SCAP: variants seen among roughly 807,000 people sequenced by gnomAD.
SCAP encodes sterol regulatory element-binding protein cleavage-activating protein.
Under a neutral mutation model 123.6 loss-of-function variants are expected in SCAP, and 65 were observed. That is an observed-to-expected ratio of 0.53 (90% CI 0.43 to 0.65). The LOEUF is 0.65. Ranked by LOEUF, SCAP falls within the 30% of genes least tolerant of loss-of-function variation. SCAP has a pLI of 0.00. For missense variants in SCAP, 1,398 were observed against 1,712.5 expected (o/e 0.82, Z 3.24); for synonymous variants, 740 against 726.3 (o/e 1.02, Z -0.30).
intron 1 of SCAP, among the ~76,000 whole-genome samples, chr3:47,457,991 A>C (rs1349888015): frequency 6.6e-6 from 1 of 152,092 alleles, no homozygotes; most frequent in Admixed American, 6.6e-5. Context: ...GATCAAGTTA[A>C]TAGTATTGAA....
In SCAP at chr3:47,446,774, C is replaced by CA. The variant is rs1365149756; in HGVS notation, c.-98-3684dup. Among the ~76,000 whole-genome samples the CA allele has an allele frequency of 9.1e-3, 1,259 of 137,936 alleles. 3 individuals are homozygous for CA. Among genetic ancestry groups the CA allele is most frequent in the Non-Finnish European group, 0.012 (739 of 63,124 alleles). 90.5% of individuals were successfully genotyped at this position (137,936 alleles called of 152,430 possible). A position where few individuals can be genotyped will look rare whatever the true frequency, so the allele number is the denominator to read the frequency against. On this transcript the variant is annotated intron_variant, in intron 1 of 22. Coordinates refer to ENST00000265565, the MANE Select transcript of SCAP (RefSeq NM_012235.4). ...TGGACACTGTGAGACCGTGTCTTTA[C>CA]AAAAAAAAAAACATTAACAATTAGC...
chr3:47,432,052 C>T (rs1196861157), intron 3 of SCAP, among the ~76,000 whole-genome samples: 1 of 152,084 alleles, frequency 6.6e-6, no homozygotes, highest in Non-Finnish European at 1.5e-5. Context: ...TGGTGGCTCA[C>T]GCCTGTAATC....
chr3:47,472,376 G>A (rs1051365722), intron 1 of SCAP, among the ~76,000 whole-genome samples: 31 of 150,522 alleles, frequency 2.1e-4, no homozygotes, highest in Non-Finnish European at 3.7e-4. Context: ...GGAGCTTGCA[G>A]TGAGCCGAGA....
At chr3:47,469,600 C>T in intron 1 of SCAP, among the ~76,000 whole-genome samples, 1 of 152,162 alleles carries the variant, frequency 6.6e-6, no homozygotes, top group East Asian at 1.9e-4. Flanking sequence ...CTCAAGTGAT[C>T]CACCCACCTT....
intron 4 of SCAP, 92 bp downstream of exon 4, chr3:47,428,421 C>T: frequency 7.6e-7 from 1 of 1,313,798 alleles, no homozygotes; most frequent in Non-Finnish European, 1.1e-6. Flanking sequence ...CTCTGCAGAG[C>T]TGACTGGCTC....
At chr3:47,472,855 C>A (rs1179122164) in intron 1 of SCAP, among the ~76,000 whole-genome samples, 1 of 151,810 alleles carries the variant, frequency 6.6e-6, no homozygotes, top group Non-Finnish European at 1.5e-5. Context: ...CCGAGGCGGG[C>A]GGATCACCTG....
intron 1 of SCAP, among the ~76,000 whole-genome samples, chr3:47,474,878 AC>A (rs1708207396): frequency 6.6e-6 from 1 of 152,144 alleles, no homozygotes; most frequent in African/African-American, 2.4e-5. Flanking sequence ...GACACCCTCG[AC>A]CCTGACTCCC....
Position 47,426,030 on chromosome 3 carries a change from T to C in SCAP, c.877A>G (p.Ile293Val), listed in dbSNP as rs1706112898. The part of the protein sequence containing the change: ...AELIPLVTTY[I>V]ILFAYIYFST... ...AAGTAGATGTAGGCAAACAAGATGATGTAGGTGGTCACAAGGGGGATGAGC... is the reference window on the plus strand; with the variant it reads ...AAGTAGATGTAGGCAAACAAGATGACGTAGGTGGTCACAAGGGGGATGAGC... The change falls in exon 7 of 23, where the codon ATC becomes GTC. Residue 293 changes from isoleucine to valine, a missense_variant. By Grantham distance (29) the Ile-to-Val change is conservative. This residue lies in a region of SCAP where 319 missense variants were observed against 432.4 expected (regional missense o/e 0.74). Coordinates refer to ENST00000265565, the MANE Select transcript of SCAP (RefSeq NM_012235.4). 2.5e-6 allele frequency: 4 copies of C among 1,614,002 alleles called. No individual in the cohort carries two copies. Among genetic ancestry groups the C allele is most frequent in the African/African-American group, 1.3e-5 (1 of 74,924 alleles).
chr3:47,447,873 C>A (rs573198025), intron 1 of SCAP, among the ~76,000 whole-genome samples: 7 of 151,380 alleles, frequency 4.6e-5, no homozygotes, highest in Admixed American at 4.6e-4. Context: ...GGCATGGTGG[C>A]GTGTGCCTGT....
intron 1 of SCAP, among the ~76,000 whole-genome samples, chr3:47,470,788 G>C (rs932953820): frequency 1.1e-4 from 17 of 152,040 alleles, no homozygotes; most frequent in African/African-American, 3.6e-4. Flanking sequence ...TTGAACCCAG[G>C]GGGGCGAAGG....
At chr3:47,472,290 C>T (rs1485572753) in intron 1 of SCAP, among the ~76,000 whole-genome samples, 2 of 150,618 alleles carry the variant, frequency 1.3e-5, no homozygotes, top group African/African-American at 4.9e-5. Context: ...AAAAATTAGC[C>T]GGGCGCGGTG....
chr3:47,465,361 G>C lies in SCAP; in HGVS notation c.-99+10438C>G, dbSNP rs1443409384. ...AATTTTTGTATTGTTAGTAGAGACAGGGTTTCACCATGTTGGCCAGGCTGG... is the reference window on the plus strand; with the variant it reads ...AATTTTTGTATTGTTAGTAGAGACACGGTTTCACCATGTTGGCCAGGCTGG... On this transcript the variant is annotated intron_variant, in intron 1 of 22. Coordinates refer to ENST00000265565, the MANE Select transcript of SCAP (RefSeq NM_012235.4). Among the ~76,000 whole-genome samples, 5 of 152,074 alleles carry C rather than the reference G, an allele frequency of 3.3e-5. No individual in the cohort carries two copies. The South Asian group carries it at 8.3e-4, about 25-fold the overall frequency.
chr3:47,442,773 A>C (rs999643249), intron 2 of SCAP, 99 bp downstream of exon 2: 3 of 1,074,260 alleles, frequency 2.8e-6, no homozygotes, highest in Non-Finnish European at 4.2e-6. Context: ...CATTGTGTAA[A>C]AAGCATACAG....
intron 1 of SCAP, among the ~76,000 whole-genome samples, chr3:47,443,739 T>G (rs1706915428): frequency 6.6e-6 from 1 of 152,214 alleles, no homozygotes; most frequent in Non-Finnish European, 1.5e-5. Context: ...CTCCTGTTCC[T>G]GCCTGCCCAG....
intron 3 of SCAP, among the ~76,000 whole-genome samples, chr3:47,434,205 T>C (rs1179667843): frequency 6.6e-6 from 1 of 152,206 alleles, no homozygotes. Flanking sequence ...GCTATGACTG[T>C]CAGAGAGAAG....
At chr3:47,437,907 T>C (rs1294386875) in intron 2 of SCAP, among the ~76,000 whole-genome samples, 1 of 152,216 alleles carries the variant, frequency 6.6e-6, no homozygotes, top group Non-Finnish European at 1.5e-5. Flanking sequence ...TATATGCACA[T>C]TGAGCTTAGT....
chr3:47,435,738 T>C lies in SCAP; in HGVS notation c.123-601A>G, dbSNP rs111328787. On this transcript the variant is annotated intron_variant, in intron 2 of 22. Transcript: ENST00000265565. The stretch of plus-strand genomic sequence containing the variant: ...ACTGAAAGGAAACACCAACATGTTA[T>C]AATATATAACATTATATTAATATTT... Among the ~76,000 whole-genome samples the C allele has an allele frequency of 5.0e-4, 76 of 152,238 alleles. No individual in the cohort carries two copies. In the South Asian group the frequency reaches 0.013, roughly 25 times the overall value.
chr3:47,459,741 T>C (rs561579339), intron 1 of SCAP, among the ~76,000 whole-genome samples: 1 of 152,260 alleles, frequency 6.6e-6, no homozygotes, highest in East Asian at 1.9e-4. Context: ...CTGATAAGGG[T>C]CTATGTTCAG....
Position 47,419,395 on chromosome 3 carries a change from A to G in SCAP, c.1873T>C (p.Trp625Arg). 6.2e-7 allele frequency: 1 copy of G among 1,610,612 alleles called. No individual in the cohort carries two copies. Among genetic ancestry groups the G allele is most frequent in the Non-Finnish European group, 8.5e-7 (1 of 1,178,858 alleles). ...CAGTGGCGGAAGGACAATTTCCTCC[A>G]AAGTTCCTCATCCTCAGGCCCCCAG... The part of the protein sequence containing the change: ...VTWGPEDEEL[W>R]RKLSFRHWPT... The change falls in exon 13 of 23, where the codon TGG (tryptophan) becomes CGG (arginine). Residue 625 changes from tryptophan to arginine, a missense_variant. Transcript: ENST00000265565. This position sits in a 1 kb window ranked among gnomAD's most constrained non-coding sequence, Gnocchi z 5.0.
Sources: gnomAD v4.1 joint callset for allele counts (sites outside exome capture counted in the v4.1 genomes callset) on GRCh38, gnomAD v4.1.1 for gene constraint, gnomAD v4.1.1 regional missense constraint, Gnocchi (gnomAD v3.1) non-coding constraint, MANE v1.5 for transcripts, NCBI Gene and HGNC (gene_info 2026-07-23, HGNC 2026-07-21) for gene names.